The following PPM1H variants were observed in gnomAD, a reference collection of about 807,000 sequenced individuals.
The protein encoded by PPM1H is protein phosphatase 1H.
Under a neutral mutation model 54.9 loss-of-function variants are expected in PPM1H, and 27 were observed. The observed-to-expected ratio is 0.49, with a 90% CI of 0.36 to 0.68. The LOEUF (loss-of-function observed/expected upper bound fraction) is 0.68, where lower values mean the gene tolerates loss of function less well. Ranked by LOEUF, PPM1H falls within the 30% of genes least tolerant of loss-of-function variation. The probability of loss-of-function intolerance (pLI) is 0.00; values close to 1 mark genes in which losing one functional copy is unlikely to be tolerated. For missense variants in PPM1H, 596 were observed against 667.8 expected (o/e 0.89, Z 1.19); for synonymous variants, 305 against 270.8 (o/e 1.13, Z -1.24).
chr12:62,747,662 C>A (rs2076420556), intron 4 of PPM1H, among the ~76,000 whole-genome samples: 1 of 152,214 alleles, frequency 6.6e-6, no homozygotes, highest in African/African-American at 2.4e-5. Flanking sequence ...TGCCAGGGTA[C>A]ATTCCAGAGC....
chr12:62,738,364 GA>G (rs896492732), intron 4 of PPM1H, among the ~76,000 whole-genome samples: 41 of 147,220 alleles, frequency 2.8e-4, no homozygotes, highest in Admixed American at 8.8e-4. Flanking sequence ...GGTCCAGGGG[GA>G]AAAAAAAAAC....
At chr12:62,919,316 C>T (rs1306410695) in intron 1 of PPM1H, among the ~76,000 whole-genome samples, 3 of 152,088 alleles carry the variant, frequency 2.0e-5, no homozygotes, top group Non-Finnish European at 4.4e-5. Flanking sequence ...TTGTTGGTAA[C>T]TCAGGTGATA....
intron 1 of PPM1H, among the ~76,000 whole-genome samples, chr12:62,900,304 C>T (rs1007156658): frequency 4.0e-5 from 6 of 151,616 alleles, no homozygotes; most frequent in African/African-American, 9.7e-5. Context: ...TGAGAATGAT[C>T]GTTTCCAGCT....
intron 4 of PPM1H, among the ~76,000 whole-genome samples, chr12:62,763,425 G>A (rs1214136912): frequency 6.6e-6 from 1 of 152,240 alleles, no homozygotes; most frequent in Non-Finnish European, 1.5e-5. Flanking sequence ...GGCATCAGGA[G>A]CAGAGGTCCT....
chr12:62,755,747 T>TG (rs1216376515), intron 4 of PPM1H: 5 of 723,570 alleles, frequency 6.9e-6, no homozygotes, highest in African/African-American at 2.2e-5. Flanking sequence ...GAAGGACTCA[T>TG]GAATGACCAC....
At chr12:62,905,928 AG>A (rs1267020771) in intron 1 of PPM1H, among the ~76,000 whole-genome samples, 1 of 152,210 alleles carries the variant, frequency 6.6e-6, no homozygotes, top group East Asian at 1.9e-4. Context: ...ATGAGATGCC[AG>A]CCAAGCAAAA....
chr12:62,830,659 G>C (rs1343057857), intron 2 of PPM1H, among the ~76,000 whole-genome samples: 1 of 152,146 alleles, frequency 6.6e-6, no homozygotes, highest in Admixed American at 6.5e-5. Context: ...TCCAGGGCCT[G>C]GGCACTTAAC....
intron 6 of PPM1H, among the ~76,000 whole-genome samples, chr12:62,698,938 G>A (rs2076128593): frequency 6.6e-6 from 1 of 152,116 alleles, no homozygotes; most frequent in South Asian, 2.1e-4. Flanking sequence ...CCTGAACTCA[G>A]ATCCTTCCAT....
At chr12:62,811,008 A>C (rs2076832038) in intron 2 of PPM1H, among the ~76,000 whole-genome samples, 1 of 152,240 alleles carries the variant, frequency 6.6e-6, no homozygotes, top group South Asian at 2.1e-4. Context: ...CTAGAATATG[A>C]TCAGGTAATT....
At chr12:62,707,355 G>A (rs1415948861) in intron 6 of PPM1H, among the ~76,000 whole-genome samples, 1 of 152,150 alleles carries the variant, frequency 6.6e-6, no homozygotes, top group African/African-American at 2.4e-5. Flanking sequence ...ACAGTCACTG[G>A]CTCACTGCAG....
chr12:62,917,116 C>T (rs1208641268), intron 1 of PPM1H, among the ~76,000 whole-genome samples: 6 of 152,216 alleles, frequency 3.9e-5, no homozygotes, highest in Admixed American at 2.6e-4. Context: ...CAAGCCTCTG[C>T]GTCCTTTACT....
At chr12:62,838,919 T>A in intron 1 of PPM1H, among the ~76,000 whole-genome samples, 1 of 40,840 alleles carries the variant, frequency 2.4e-5, no homozygotes, top group Non-Finnish European at 4.4e-5. Flanking sequence ...AGACTCCGTC[T>A]CAAAAAAAAA....
At chr12:62,708,956 G>A (rs968862467) in intron 6 of PPM1H, among the ~76,000 whole-genome samples, 9 of 151,970 alleles carry the variant, frequency 5.9e-5, no homozygotes, top group African/African-American at 9.7e-5. Flanking sequence ...ATTTTCATAC[G>A]TCATATTCCA....
chr12:62,801,879 G>A lies in PPM1H; in HGVS notation c.693C>T (p.Thr231=), dbSNP rs767395341. The part of the protein sequence containing the change: ...SPSTPPTRFF[T]EKKIPHECLV... ...GGCACTCATGGGGAATCTTCTTCTCGGTAAAGAAGCGTGTGGGGGGCGTGC... is the reference window on the plus strand; with the variant it reads ...GGCACTCATGGGGAATCTTCTTCTCAGTAAAGAAGCGTGTGGGGGGCGTGC... The change falls in exon 3 of 10, where the codon ACC becomes ACT. Residue 231 remains threonine (T), a synonymous_variant. Transcript: ENST00000228705. The A allele has an allele frequency of 6.2e-7, 1 of 1,613,848 alleles. No individual in the cohort carries two copies. The highest frequency in any genetic ancestry group is 8.5e-7 in the Non-Finnish European group (1 of 1,179,778).
Position 62,845,341 on chromosome 12 carries a change from G to C in PPM1H, c.246-13062C>G, listed in dbSNP as rs138044185. ...CTGCATGGAATGGGAAGTTCCTAAGGCTTCTTTTCTAACTGTTGAGCCTAT... is the reference window on the plus strand; with the variant it reads ...CTGCATGGAATGGGAAGTTCCTAAGCCTTCTTTTCTAACTGTTGAGCCTAT... On this transcript the variant is annotated intron_variant, in intron 1 of 9. Transcript: ENST00000228705. 2.5e-3 allele frequency among the ~76,000 whole-genome samples: 383 copies of C among 152,272 alleles called. 1 individual carries two copies. Among genetic ancestry groups the C allele is most frequent in the African/African-American group, 8.7e-3 (362 of 41,536 alleles).
chr12:62,920,898 A>G (rs1460516808), intron 1 of PPM1H, among the ~76,000 whole-genome samples: 1 of 152,088 alleles, frequency 6.6e-6, no homozygotes. Flanking sequence ...AATAATCTAT[A>G]GCATTTTTAT....
intron 6 of PPM1H, among the ~76,000 whole-genome samples, chr12:62,698,394 CT>C (rs777962112): frequency 2.7e-4 from 41 of 152,150 alleles, no homozygotes; most frequent in Non-Finnish European, 1.6e-4. Flanking sequence ...AGACTATTTT[CT>C]GCTTGAGAGC....
At chr12:62,697,324 A>T (rs1254530621) in intron 6 of PPM1H, among the ~76,000 whole-genome samples, 2 of 151,944 alleles carry the variant, frequency 1.3e-5, no homozygotes, top group Non-Finnish European at 2.9e-5. Context: ...CACCATGTTG[A>T]CCAGGCTGGT....
At chr12:62,697,643 T>A (rs750348360) in intron 6 of PPM1H, among the ~76,000 whole-genome samples, 1 of 152,154 alleles carries the variant, frequency 6.6e-6, no homozygotes, top group Non-Finnish European at 1.5e-5. Flanking sequence ...TGGGGGAAGA[T>A]AGGAGAGTGA....
Sources: allele counts gnomAD v4.1 joint callset (sites outside exome capture counted in the v4.1 genomes callset), GRCh38; gene constraint gnomAD v4.1.1; transcripts MANE v1.5; gene names NCBI Gene and HGNC (gene_info 2026-07-23, HGNC 2026-07-21).